Variants in LRBA observed in about 807,000 individuals in gnomAD.
The protein encoded by LRBA is lipopolysaccharide-responsive and beige-like anchor protein.
A neutral mutation model predicts 330.0 loss-of-function variants in LRBA; 176 were observed. The observed-to-expected ratio is 0.53, with a 90% confidence interval of 0.47 to 0.60. LRBA has a LOEUF of 0.60. Among genes scored for constraint, LRBA ranks in the 20% least tolerant of loss-of-function variants. The probability of loss-of-function intolerance (pLI) is 0.00; values close to 1 mark genes in which losing one functional copy is unlikely to be tolerated. For missense variants in LRBA, 3,259 were observed against 3,444.8 expected, an observed-to-expected ratio of 0.95 and a Z score of 1.35; for synonymous variants, 1,230 against 1,193.0, an observed-to-expected ratio of 1.03 and a Z score of -0.64.
rs1188849943 is a variant in LRBA at position 150,906,361 on chromosome 4, A to G, written c.1538T>C (p.Ile513Thr). ...GGCAAGCATCTGTTCCTGCATAGCA[A>G]TTGAGTTCTTCAACAATTCCATGAT... ...AFIMELLKNS[I>T]AMQEQMLACK... Residue 513 changes from isoleucine (I) to threonine (T), a missense_variant, in exon 12 of 57, where the codon ATT (isoleucine) becomes ACT (threonine). Transcript: ENST00000651943. 2.5e-6 allele frequency: 4 copies of G among 1,612,606 alleles called. No homozygotes were observed. The highest frequency in any genetic ancestry group is 3.4e-6 in the Non-Finnish European group (4 of 1,179,002).
intron 41 of LRBA, among the ~76,000 whole-genome samples, chr4:150,490,564 C>T (rs533712264): frequency 2.0e-5 from 3 of 151,810 alleles, no homozygotes; most frequent in Admixed American, 6.6e-5. Context: ...TCGTTATTGT[C>T]CTCTCCTCTC....
rs1281857779 is a variant in LRBA, at chr4:150,930,813, T to A, written c.217-1748A>T. On this transcript the variant is annotated intron_variant, in intron 2 of 56. Coordinates refer to ENST00000651943, the MANE Select transcript of LRBA (RefSeq NM_001364905.1). Reference sequence around the variant, plus strand: ...AGATCTCAGCATACAATGCTTTGTATCATCACTACCAAGCAGTGTTAGGAG... The same window carrying A: ...AGATCTCAGCATACAATGCTTTGTAACATCACTACCAAGCAGTGTTAGGAG... Among the ~76,000 whole-genome samples, 4 of 152,332 alleles carry A rather than the reference T, an allele frequency of 2.6e-5. No individual in the cohort carries two copies. In the East Asian group the frequency reaches 7.7e-4, roughly 29 times the overall value.
At chr4:150,296,257 T>A (rs1728960278) in intron 53 of LRBA, among the ~76,000 whole-genome samples, 2 of 152,292 alleles carry the variant, frequency 1.3e-5, no homozygotes, top group South Asian at 4.1e-4. Context: ...TAAACACTCC[T>A]GACCCCACTC....
intron 53 of LRBA, among the ~76,000 whole-genome samples, chr4:150,293,970 C>T (rs1728655789): frequency 6.6e-6 from 1 of 152,334 alleles, no homozygotes; most frequent in Non-Finnish European, 1.5e-5. Flanking sequence ...GTATATGATA[C>T]ATATAACATA....
At chr4:150,484,807 ACTT>A (rs1326026616) in intron 42 of LRBA, among the ~76,000 whole-genome samples, 1 of 151,768 alleles carries the variant, frequency 6.6e-6, no homozygotes, top group Non-Finnish European at 1.5e-5. Context: ...TACATTAGGC[ACTT>A]CTTTATCTTC....
At chr4:150,777,516 C>T (rs1737555937) in intron 34 of LRBA, among the ~76,000 whole-genome samples, 1 of 152,046 alleles carries the variant, frequency 6.6e-6, no homozygotes, top group Admixed American at 6.6e-5. Context: ...GTTATCTATG[C>T]CCTTGTAAAA....
chr4:150,378,732 T>C (rs1338576837), intron 47 of LRBA, among the ~76,000 whole-genome samples: 1 of 152,174 alleles, frequency 6.6e-6, no homozygotes, highest in East Asian at 1.9e-4. Flanking sequence ...ACAGGTAATG[T>C]AGAGAAAGCC....
chr4:150,424,285 T>C (rs1220669839), intron 46 of LRBA, among the ~76,000 whole-genome samples: 1 of 152,232 alleles, frequency 6.6e-6, no homozygotes, highest in African/African-American at 2.4e-5. Flanking sequence ...TGCAACTTTA[T>C]GTAAAATGGC....
At chr4:150,969,838 G>A (rs757879874) in intron 2 of LRBA, among the ~76,000 whole-genome samples, 11 of 152,190 alleles carry the variant, frequency 7.2e-5, no homozygotes, top group Non-Finnish European at 1.3e-4. Context: ...GATAACAAAG[G>A]ATTTAGAATC....
chr4:150,560,909 C>T (rs529799327), intron 40 of LRBA, among the ~76,000 whole-genome samples: 85 of 152,052 alleles, frequency 5.6e-4, no homozygotes, highest in African/African-American at 2.0e-3. Flanking sequence ...TCACTTGAAC[C>T]CAGAAGTGGA....
chr4:150,568,388 A>G (rs1286161427), intron 40 of LRBA, among the ~76,000 whole-genome samples: 6 of 152,156 alleles, frequency 3.9e-5, no homozygotes, highest in Non-Finnish European at 8.8e-5. Flanking sequence ...GGGAACTAGA[A>G]TAAAGCATGT....
At chr4:150,425,617 T>C (rs1181222689) in intron 46 of LRBA, among the ~76,000 whole-genome samples, 2 of 152,204 alleles carry the variant, frequency 1.3e-5, no homozygotes, top group Non-Finnish European at 2.9e-5. Context: ...TCCACTGATA[T>C]GAACAACCTT....
At chr4:150,896,353 T>C (rs1430377209) in intron 16 of LRBA, 41 bp downstream of exon 16, 4 of 1,098,262 alleles carry the variant, frequency 3.6e-6, no homozygotes, top group East Asian at 2.6e-5. Flanking sequence ...CTAATGTAGC[T>C]TCAAAAATTA....
chr4:150,714,364 T>A (rs943209577), intron 36 of LRBA, among the ~76,000 whole-genome samples: 1 of 152,198 alleles, frequency 6.6e-6, no homozygotes, highest in African/African-American at 2.4e-5. Context: ...ATATGGGAAG[T>A]AAATTTTTTA....
chr4:150,409,230 C>T (rs749818786), intron 47 of LRBA, among the ~76,000 whole-genome samples: 2 of 152,032 alleles, frequency 1.3e-5, no homozygotes, highest in African/African-American at 2.4e-5. Flanking sequence ...AGGGCTAGAA[C>T]AGGTCCTTCC....
intron 22 of LRBA, among the ~76,000 whole-genome samples, chr4:150,855,928 T>C (rs1278540128): frequency 6.6e-6 from 1 of 152,214 alleles, no homozygotes; most frequent in Non-Finnish European, 1.5e-5. Context: ...GGGCTTCAGC[T>C]TATTTGAGAG....
intron 35 of LRBA, among the ~76,000 whole-genome samples, chr4:150,737,833 T>C (rs1035357770): frequency 5.9e-5 from 9 of 152,030 alleles, no homozygotes; most frequent in African/African-American, 2.2e-4. Context: ...ATAATATCAC[T>C]TAACTATTCT....
At chr4:150,899,980 A>C in intron 14 of LRBA, 69 bp downstream of exon 14, 2 of 1,275,868 alleles carry the variant, frequency 1.6e-6, no homozygotes, top group Non-Finnish European at 2.2e-6. Context: ...AGTACTGGTT[A>C]AAACAAAAAG....
chr4:150,779,085 C>T (rs1039853794), intron 34 of LRBA, among the ~76,000 whole-genome samples: 3 of 152,112 alleles, frequency 2.0e-5, no homozygotes, highest in African/African-American at 7.2e-5. Context: ...TCTCCCACCT[C>T]AATACATACA....
Sources: allele counts gnomAD v4.1 joint callset (sites outside exome capture counted in the v4.1 genomes callset), GRCh38; gene constraint gnomAD v4.1.1; transcripts MANE v1.5; gene names NCBI Gene and HGNC (gene_info 2026-07-23, HGNC 2026-07-21).